The following HDAC4 variants were observed in gnomAD, a reference collection of about 807,000 sequenced individuals.
The protein encoded by HDAC4 is histone deacetylase A.
Under a neutral mutation model 135.1 loss-of-function variants are expected in HDAC4, and 16 were observed. That is an observed-to-expected ratio of 0.12 (90% CI 0.08 to 0.18). The LOEUF is 0.18. HDAC4 is among the 10% of genes least tolerant of loss of function. The pLI, the probability that HDAC4 is intolerant of heterozygous loss-of-function variation, is 1.00. For missense variants in HDAC4, 1,143 were observed against 1,511.8 expected (o/e 0.76, Z 4.05); for synonymous variants, 685 against 653.4 (o/e 1.05, Z -0.74).
chr2:239,155,749 C>T (rs2042385818), intron 7 of HDAC4, among the ~76,000 whole-genome samples: 1 of 152,192 alleles, frequency 6.6e-6, no homozygotes. Flanking sequence ...AAAAGCGGTG[C>T]CCCTAGGCTC....
In HDAC4 at chr2:239,349,828, G is replaced by A. The variant is rs1225246728; in HGVS notation, c.22+2850C>T. ...GCAAACCACCTCAGCTGTACCCCCT[G>A]CACAGATGGAGAGCAGAGAATGGGC... On this transcript the variant is annotated intron_variant, in intron 2 of 26. Transcript: ENST00000543185. The surrounding 1 kb of genome is among the most constrained non-coding windows in gnomAD (Gnocchi z 5.7). 6.6e-6 allele frequency among the ~76,000 whole-genome samples: 1 copy of A among 152,234 alleles called. No homozygotes were observed. The highest frequency in any genetic ancestry group is 1.9e-4 in the East Asian group (1 of 5,202).
intron 2 of HDAC4, among the ~76,000 whole-genome samples, chr2:239,276,001 G>A (rs1182143326): frequency 6.6e-6 from 1 of 152,156 alleles, no homozygotes; most frequent in Non-Finnish European, 1.5e-5. Context: ...CGCCCAAGCA[G>A]ATGGCCAGCA....
At chr2:239,220,889 CTT>C (rs919757947) in intron 3 of HDAC4, among the ~76,000 whole-genome samples, 32 of 152,322 alleles carry the variant, frequency 2.1e-4, no homozygotes, top group African/African-American at 7.2e-4. Context: ...TGCAGGTACC[CTT>C]CCGCCAGGTT....
At position 239,317,366 on chromosome 2, in the gene HDAC4, C is replaced by T. The variant is rs535725785; in HGVS notation, c.22+35312G>A. 4.6e-5 allele frequency among the ~76,000 whole-genome samples: 7 copies of T among 152,106 alleles called. No individual in the cohort carries two copies. In the South Asian group the frequency reaches 6.3e-4, roughly 14 times the overall value. On this transcript the variant is annotated intron_variant, in intron 2 of 26. Transcript: ENST00000543185. ...TACACACATCTATTCACAGCTCTGGCGGCCGAGAGCTGGTTTCTAAATAGC... is the reference window on the plus strand; with the variant it reads ...TACACACATCTATTCACAGCTCTGGTGGCCGAGAGCTGGTTTCTAAATAGC...
intron 12 of HDAC4, among the ~76,000 whole-genome samples, chr2:239,123,663 C>A (rs548138092): frequency 6.6e-6 from 1 of 152,204 alleles, no homozygotes; most frequent in Non-Finnish European, 1.5e-5. Flanking sequence ...TTGACCACTG[C>A]GCCAGGGCTG....
chr2:239,107,995 T>C, intron 15 of HDAC4, 55 bp downstream of exon 15: 2 of 1,605,284 alleles, frequency 1.2e-6, no homozygotes, highest in Non-Finnish European at 1.7e-6. Context: ...CCCACGAGGG[T>C]CCCCTCTAAT....
intron 5 of HDAC4, among the ~76,000 whole-genome samples, chr2:239,168,980 C>T (rs1201682386): frequency 6.6e-6 from 1 of 152,128 alleles, no homozygotes; most frequent in Non-Finnish European, 1.5e-5. Flanking sequence ...TCGGATGCAG[C>T]GCAGGGATTG....
chr2:239,249,260 A>G (rs1381099487), intron 2 of HDAC4, among the ~76,000 whole-genome samples: 1 of 152,250 alleles, frequency 6.6e-6, no homozygotes, highest in Non-Finnish European at 1.5e-5. Flanking sequence ...TCCGAAGGCC[A>G]TGGTAAGGAC....
At chr2:239,346,633 CTCTG>C (rs776900200) in intron 2 of HDAC4, among the ~76,000 whole-genome samples, 1 of 85,324 alleles carries the variant, frequency 1.2e-5, no homozygotes, top group Non-Finnish European at 3.4e-5. Context: ...CACACACACA[CTCTG>C]TCTAAAACAC....
At position 239,391,422 on chromosome 2, in the gene HDAC4, G is replaced by A. The variant is rs78307303; in HGVS notation, c.-220+9556C>T. Among the ~76,000 whole-genome samples the A allele has an allele frequency of 7.3e-3, 1,114 of 152,300 alleles. 8 individuals carry two copies. Among genetic ancestry groups the A allele is most frequent in the African/African-American group, 0.025 (1,024 of 41,564 alleles). On this transcript the variant is annotated intron_variant, in intron 1 of 26. Coordinates refer to ENST00000543185, the MANE Select transcript of HDAC4 (RefSeq NM_001378414.1). ...AGGTGCAGGAGCTTCAGAAAGTCCT[G>A]CAGGTGCATCCAAGGCCCGGTCAGC...
chr2:239,067,436 C>T (rs1399264626), intron 23 of HDAC4, among the ~76,000 whole-genome samples: 9 of 152,194 alleles, frequency 5.9e-5, no homozygotes, highest in Admixed American at 2.0e-4. Context: ...AACCACGCGC[C>T]GCTAATTAGT....
intron 2 of HDAC4, among the ~76,000 whole-genome samples, chr2:239,321,898 T>C (rs993811275): frequency 2.0e-5 from 3 of 152,158 alleles, no homozygotes; most frequent in South Asian, 2.1e-4. Flanking sequence ...GTCGTCCAGG[T>C]TCTTGACATG....
Position 239,369,839 on chromosome 2 carries a change from G to A in HDAC4, c.-219-16921C>T, listed in dbSNP as rs993549549. On this transcript the variant is annotated intron_variant, in intron 1 of 26. Coordinates refer to ENST00000543185, the MANE Select transcript of HDAC4 (RefSeq NM_001378414.1). ...CGGAAATGAAGAGCTTAAAGGAGCT[G>A]AGGACAGTGCAGGGTGCATGAAAGG... Among the ~76,000 whole-genome samples the A allele has an allele frequency of 2.6e-5, 4 of 152,204 alleles. No individual in the cohort carries two copies. In the East Asian group the frequency reaches 7.7e-4, roughly 29 times the overall value.
chr2:239,095,996 T>C (rs938299514), intron 16 of HDAC4, among the ~76,000 whole-genome samples: 1 of 152,162 alleles, frequency 6.6e-6, no homozygotes, highest in Non-Finnish European at 1.5e-5. Flanking sequence ...CCCCACTTTC[T>C]GGCCTCAGCT....
chr2:239,143,868 C>T (rs1346979985), intron 8 of HDAC4, among the ~76,000 whole-genome samples: 1 of 152,242 alleles, frequency 6.6e-6, no homozygotes, highest in East Asian at 1.9e-4. Flanking sequence ...ATGTCCGCTG[C>T]CTCCCCTCTA....
intron 2 of HDAC4, among the ~76,000 whole-genome samples, chr2:239,301,844 G>A (rs375171733): frequency 2.1e-4 from 32 of 152,294 alleles, no homozygotes; most frequent in African/African-American, 7.0e-4. Flanking sequence ...TGCTACTGCG[G>A]TGTGATTCCT....
At chr2:239,270,465 T>C (rs1199294476) in intron 2 of HDAC4, among the ~76,000 whole-genome samples, 1 of 152,034 alleles carries the variant, frequency 6.6e-6, no homozygotes, top group Non-Finnish European at 1.5e-5. Context: ...AGGAAGACTT[T>C]AAAATGAGAT....
At chr2:239,109,362 C>T (rs1476413556) in intron 14 of HDAC4, among the ~76,000 whole-genome samples, 1 of 152,178 alleles carries the variant, frequency 6.6e-6, no homozygotes, top group Non-Finnish European at 1.5e-5. Flanking sequence ...TGTGCTGGCC[C>T]AGGATGCGGC....
chr2:239,056,617 T>A (rs1383745891), intron 24 of HDAC4, among the ~76,000 whole-genome samples: 1 of 152,184 alleles, frequency 6.6e-6, no homozygotes, highest in Non-Finnish European at 1.5e-5. Context: ...CAGAGACAAC[T>A]CCTTGAGCAT....
Sources: gnomAD v4.1 joint callset for allele counts (sites outside exome capture counted in the v4.1 genomes callset) on GRCh38, gnomAD v4.1.1 for gene constraint, Gnocchi (gnomAD v3.1) non-coding constraint, MANE v1.5 for transcripts, NCBI Gene and HGNC (gene_info 2026-07-23, HGNC 2026-07-21) for gene names.